The following USP33 variants were observed in gnomAD, a reference collection of about 807,000 sequenced individuals.
USP33 encodes ubiquitin specific peptidase 33.
Under a neutral mutation model 124.2 loss-of-function variants are expected in USP33, and 46 were observed. The ratio of observed to expected loss-of-function variants is 0.37; its 90% CI spans 0.29 to 0.47. The LOEUF is 0.47. Among genes scored for constraint, USP33 ranks in the 20% least tolerant of loss-of-function variants. USP33 has a pLI of 0.99. For synonymous variants in USP33, 350 were observed against 352.3 expected, an observed-to-expected ratio of 0.99 and a Z score of 0.07; for missense variants, 851 against 1,070.6, an observed-to-expected ratio of 0.79 and a Z score of 2.86.
chr1:77,728,614 A>C lies in USP33; in HGVS notation c.816T>G (p.Thr272=), dbSNP rs1413838413. 6.2e-7 allele frequency: 1 copy of C among 1,614,100 alleles called. No individual in the cohort carries two copies. Among genetic ancestry groups the C allele is most frequent in the Non-Finnish European group, 8.5e-7 (1 of 1,180,024 alleles). ...EVEEDPQTIT[T]EETMEEDKSQ... is the part of the protein sequence containing the mutation. ...TCTTGTCTTCTTCCATTGTCTCCTC[A>C]GTGGTTATGGTTTGCGGATCTTCTT... The change falls in exon 10 of 24, where the codon ACT becomes ACG. Residue 272 remains threonine (T), a synonymous_variant. Coordinates refer to ENST00000370794, the MANE Select transcript of USP33 (RefSeq NM_201624.3).
intron 21 of USP33, among the ~76,000 whole-genome samples, chr1:77,710,453 CATT>C (rs1394081843): frequency 2.0e-5 from 3 of 152,178 alleles, no homozygotes; most frequent in African/African-American, 7.2e-5. Flanking sequence ...CAGACACAGT[CATT>C]AGCCATTATT....
At chr1:77,721,536 C>T in intron 14 of USP33, 1 of 492,592 alleles carries the variant, frequency 2.0e-6, no homozygotes, top group East Asian at 3.7e-5. Context: ...ATTACAGACA[C>T]ACAAATAAGT....
At chr1:77,744,404 T>G (rs961814294) in intron 1 of USP33, among the ~76,000 whole-genome samples, 1 of 151,928 alleles carries the variant, frequency 6.6e-6, no homozygotes, top group Non-Finnish European at 1.5e-5. Flanking sequence ...AGAACATCAG[T>G]GATATAGGGG....
At chr1:77,734,470 A>C in intron 6 of USP33, 54 bp from the exon 7 acceptor site, 2 of 1,098,840 alleles carry the variant, frequency 1.8e-6, no homozygotes, top group Admixed American at 2.4e-5. Flanking sequence ...AAATGACTCA[A>C]TTTTAGGGGT....
chr1:77,756,060 G>GT (rs1023506522), intron 1 of USP33, among the ~76,000 whole-genome samples: 90 of 152,216 alleles, frequency 5.9e-4, no homozygotes, highest in African/African-American at 2.2e-3. Flanking sequence ...TTTTTCACAA[G>GT]TTAACTAACT....
At position 77,725,020 on chromosome 1, in the gene USP33, C is replaced by T. The variant is rs192683035; in HGVS notation, c.1276+602G>A. Among the ~76,000 whole-genome samples the T allele has an allele frequency of 3.4e-4, 51 of 151,664 alleles. 2 individuals carry two copies. Among genetic ancestry groups the T allele is most frequent in the Admixed American group, 2.8e-3 (43 of 15,218 alleles). The stretch of plus-strand genomic sequence containing the variant: ...TTGCACCACTGTACTCCAGCCTGGG[C>T]GACAGTGAGACTCCATCTCAAAACA... On this transcript the variant is annotated intron_variant, in intron 11 of 23. Coordinates refer to ENST00000370794, the MANE Select transcript of USP33 (RefSeq NM_201624.3).
chr1:77,747,163 C>T (rs528549663), intron 1 of USP33, among the ~76,000 whole-genome samples: 88 of 150,960 alleles, frequency 5.8e-4, no homozygotes, highest in African/African-American at 2.1e-3. Context: ...CCTCTCCCCA[C>T]TGAATGGTCT....
At chr1:77,735,980 G>T in intron 6 of USP33, 76 bp downstream of exon 6, 3 of 1,094,598 alleles carry the variant, frequency 2.7e-6, no homozygotes, top group Non-Finnish European at 2.5e-6. Flanking sequence ...TCCACATTTT[G>T]AAACTTTTAC....
intron 14 of USP33, 47 bp downstream of exon 14, chr1:77,721,784 T>C: frequency 6.5e-7 from 1 of 1,533,356 alleles, no homozygotes; most frequent in South Asian, 1.2e-5. Context: ...CCACTAGTAT[T>C]TTAGATTTAC....
At chr1:77,723,167 A>C (rs894213787) in intron 12 of USP33, among the ~76,000 whole-genome samples, 164 bp downstream of exon 12, 2 of 152,064 alleles carry the variant, frequency 1.3e-5, no homozygotes, top group Admixed American at 6.5e-5. Flanking sequence ...CTTCCAAAAA[A>C]AATTCTACAC....
At chr1:77,706,519 G>A (rs997739936) in intron 21 of USP33, among the ~76,000 whole-genome samples, 2 of 152,092 alleles carry the variant, frequency 1.3e-5, no homozygotes, top group South Asian at 2.1e-4. Flanking sequence ...GTTTTACCAC[G>A]TACCACTATT....
At position 77,717,490 on chromosome 1, in the gene USP33, C is replaced by CAA. The variant is rs575507467; in HGVS notation, c.1918+375_1918+376dup. On this transcript the variant is annotated intron_variant, in intron 17 of 23. Coordinates refer to ENST00000370794, the MANE Select transcript of USP33 (RefSeq NM_201624.3). ...GGGCAACAGAGTGAGACTCTGTCTC[C>CAA]AAAAAAAAAAAAAAAATCATGTTAA... 1.2e-3 allele frequency: 130 copies of CAA among 107,816 alleles called. 1 individual carries two copies. In the East Asian group the frequency reaches 0.021, roughly 17 times the overall value. 6.7% of individuals were successfully genotyped at this position (107,816 alleles called of 1,614,324 possible).
intron 17 of USP33, among the ~76,000 whole-genome samples, chr1:77,716,506 C>G (rs937080302): frequency 6.6e-6 from 1 of 152,194 alleles, no homozygotes; most frequent in Admixed American, 6.5e-5. Flanking sequence ...GCAGCCTCGA[C>G]GAGCCAGTGA....
intron 7 of USP33, among the ~76,000 whole-genome samples, chr1:77,732,772 C>T (rs1162993897): frequency 3.4e-5 from 5 of 148,616 alleles, no homozygotes; most frequent in African/African-American, 4.9e-5. Flanking sequence ...CCTCAAGTTT[C>T]AGAGTAAATG....
chr1:77,740,857 T>C lies in USP33; in HGVS notation c.198+20A>G, dbSNP rs1167998295. Reference sequence around the variant, plus strand: ...GCACTTTTTTTAACAAGTCTTCCATTAAATTTTTTATATACATACCTGAGA... The same window carrying C: ...GCACTTTTTTTAACAAGTCTTCCATCAAATTTTTTATATACATACCTGAGA... On this transcript the variant is annotated intron_variant, in intron 4 of 23. Transcript: ENST00000370794. The C allele has an allele frequency of 1.1e-5, 17 of 1,539,318 alleles. No individual in the cohort carries two copies. The highest frequency in any genetic ancestry group is 1.5e-5 in the Non-Finnish European group (17 of 1,137,280).
intron 15 of USP33, 78 bp downstream of exon 15, chr1:77,721,094 T>G: frequency 6.5e-7 from 1 of 1,531,138 alleles, no homozygotes; most frequent in South Asian, 1.1e-5. Context: ...CAGTGGCAAA[T>G]TTAACTCCAC....
intron 4 of USP33, 76 bp downstream of exon 4, chr1:77,740,801 T>A: frequency 1.0e-6 from 1 of 998,866 alleles, no homozygotes; most frequent in South Asian, 1.5e-5. Flanking sequence ...CTTGAATTAA[T>A]AATGTTATAC....
At chr1:77,698,245 T>TC (rs1204203618) in intron 22 of USP33, among the ~76,000 whole-genome samples, 1 of 149,058 alleles carries the variant, frequency 6.7e-6, no homozygotes, top group Non-Finnish European at 1.5e-5. Flanking sequence ...TGCTTTTTTT[T>TC]TTTTTTTTAG....
rs980093683 is a variant in USP33 at position 77,696,163 on chromosome 1, A to T, written c.*1154T>A. The T allele has an allele frequency of 6.6e-6, 1 of 152,228 alleles. No homozygotes were observed. The highest frequency in any genetic ancestry group is 1.5e-5 in the Non-Finnish European group (1 of 68,034). The allele number at this position is 152,228 out of a possible 1,614,324, so 9.4% of individuals were successfully genotyped here. A position where few individuals can be genotyped will look rare whatever the true frequency, so the allele number is the denominator to read the frequency against. On this transcript the variant is annotated 3_prime_UTR_variant, in exon 24 of 24. Coordinates refer to ENST00000370794, the MANE Select transcript of USP33 (RefSeq NM_201624.3). The stretch of plus-strand genomic sequence containing the variant: ...ACTTTTGACATTACATAATCAAGCA[A>T]ATAGCAGTGCATACTATATTATTCA...
Sources: gnomAD v4.1 joint callset for allele counts (sites outside exome capture counted in the v4.1 genomes callset) on GRCh38, gnomAD v4.1.1 for gene constraint, MANE v1.5 for transcripts, NCBI Gene and HGNC (gene_info 2026-07-23, HGNC 2026-07-21) for gene names.